Variants in CDH11 observed in about 807,000 individuals in gnomAD.
The protein encoded by CDH11 is cadherin-11.
Under a neutral mutation model 67.8 loss-of-function variants are expected in CDH11, and 11 were observed. The ratio of observed to expected loss-of-function variants is 0.16; its 90% CI spans 0.10 to 0.27. The LOEUF (loss-of-function observed/expected upper bound fraction) is 0.27, where lower values mean the gene tolerates loss of function less well. Among genes scored for constraint, CDH11 ranks in the 10% least tolerant of loss-of-function variants. CDH11 has a pLI of 1.00. For missense variants in CDH11, 847 were observed against 1,031.2 expected, an observed-to-expected ratio of 0.82 and a Z score of 2.45; for synonymous variants, 419 against 400.0, an observed-to-expected ratio of 1.05 and a Z score of -0.57.
chr16:65,100,056 A>G lies in CDH11; in HGVS notation c.-298+21824T>C, dbSNP rs114296267. On this transcript the variant is annotated intron_variant, in intron 1 of 12. Transcript: ENST00000268603. ...GAAAAATAGACATTATGAAAGAAAT[A>G]TCAGAAATGAAATCAGTAGTAACTG... Among the ~76,000 whole-genome samples, 693 of 152,296 alleles carry G rather than the reference A, an allele frequency of 4.6e-3. 3 individuals are homozygous for G. Among genetic ancestry groups the G allele is most frequent in the African/African-American group, 0.016 (653 of 41,558 alleles).
At chr16:65,113,324 A>G (rs905962649) in intron 1 of CDH11, among the ~76,000 whole-genome samples, 21 of 152,004 alleles carry the variant, frequency 1.4e-4, no homozygotes, top group African/African-American at 5.1e-4. Flanking sequence ...ATAGATAGTG[A>G]AAAGAGATTG....
intron 1 of CDH11, among the ~76,000 whole-genome samples, chr16:65,116,871 T>C (rs993675594): frequency 6.6e-5 from 10 of 152,286 alleles, no homozygotes; most frequent in Admixed American, 5.9e-4. Context: ...CTCTCTCACA[T>C]TCCTCTCACT....
At chr16:64,970,452 C>T (rs1021093867) in intron 11 of CDH11, among the ~76,000 whole-genome samples, 5 of 151,980 alleles carry the variant, frequency 3.3e-5, no homozygotes, top group Non-Finnish European at 5.9e-5. Flanking sequence ...TGATTTGAGA[C>T]GAGTTATTTA....
chr16:65,039,029 G>A (rs1053533550), intron 2 of CDH11, among the ~76,000 whole-genome samples: 2 of 152,140 alleles, frequency 1.3e-5, no homozygotes, highest in Non-Finnish European at 2.9e-5. Flanking sequence ...AGAATGGGGT[G>A]GGAAGCATCT....
In CDH11 at chr16:64,972,032, C is replaced by A. The variant is rs1214821279; in HGVS notation, c.1423G>T (p.Ala475Ser). Residue 475 changes from alanine (A) to serine (S), a missense_variant, in exon 10 of 13, where the codon GCC becomes TCC. Physicochemically the swap from Ala to Ser is moderately conservative, Grantham distance 99. Coordinates refer to ENST00000268603, the MANE Select transcript of CDH11 (RefSeq NM_001797.4). ...NRHQEAKVPVAIRVLDVNDNA... is the reference protein window; with the variant it reads ...NRHQEAKVPVSIRVLDVNDNA... Reference sequence around the variant, plus strand: ...TCGTTGACATCAAGGACCCTAATGGCCACTGGGACTTTGGCTTCCTGATGC... The same window carrying A: ...TCGTTGACATCAAGGACCCTAATGGACACTGGGACTTTGGCTTCCTGATGC... 1 of 1,613,472 alleles carries A rather than the reference C, an allele frequency of 6.2e-7. No individual in the cohort carries two copies. The highest frequency in any genetic ancestry group is 8.5e-7 in the Non-Finnish European group (1 of 1,179,454).
Position 65,030,797 on chromosome 16 carries a change from A to G in CDH11, c.-173+23007T>C, listed in dbSNP as rs76023887. The stretch of plus-strand genomic sequence containing the variant: ...AGGCTTGTCTCAAACTCCTGAGCTC[A>G]GATGATCTGCCTGCTTCAGCCTCCC... On this transcript the variant is annotated intron_variant, in intron 2 of 12. Coordinates refer to ENST00000268603, the MANE Select transcript of CDH11 (RefSeq NM_001797.4). Among the ~76,000 whole-genome samples, 1,431 of 152,294 alleles carry G rather than the reference A, an allele frequency of 9.4e-3. 9 individuals are homozygous for G. The highest frequency in any genetic ancestry group is 0.016 in the Non-Finnish European group (1,093 of 68,010).
intron 6 of CDH11, among the ~76,000 whole-genome samples, chr16:64,989,604 T>C (rs2072579892): frequency 6.6e-6 from 1 of 152,094 alleles, no homozygotes; most frequent in African/African-American, 2.4e-5. Flanking sequence ...ACTACAGCCT[T>C]CTGGTGAGAG....
intron 1 of CDH11, among the ~76,000 whole-genome samples, chr16:65,108,621 C>T (rs750899199): frequency 6.6e-6 from 1 of 152,050 alleles, no homozygotes; most frequent in Non-Finnish European, 1.5e-5. Context: ...AAGCACTTCA[C>T]CCTGATTTTC....
Position 65,021,890 on chromosome 16 carries a change from A to G in CDH11, c.-172-16849T>C, listed in dbSNP as rs531626146. Among the ~76,000 whole-genome samples the G allele has an allele frequency of 5.3e-4, 80 of 150,810 alleles. 2 individuals are homozygous for G. Among genetic ancestry groups the G allele is most frequent in the South Asian group, 1.7e-3 (8 of 4,784 alleles). On this transcript the variant is annotated intron_variant, in intron 2 of 12. Transcript: ENST00000268603. Reference sequence around the variant, plus strand: ...AAAGTAACTCAGAAAAAAAAAAAAAAAAAGAAAGAAAATTCAAGGCAGGAA... The same window carrying G: ...AAAGTAACTCAGAAAAAAAAAAAAAGAAAGAAAGAAAATTCAAGGCAGGAA...
chr16:65,066,209 C>A (rs1007176246), intron 1 of CDH11, among the ~76,000 whole-genome samples: 7 of 152,198 alleles, frequency 4.6e-5, no homozygotes, highest in African/African-American at 1.7e-4. Context: ...ATATCTCTTC[C>A]TCTTCCTTTT....
At chr16:64,997,227 G>A (rs1004316014) in intron 4 of CDH11, among the ~76,000 whole-genome samples, 48 of 151,858 alleles carry the variant, frequency 3.2e-4, no homozygotes, top group African/African-American at 1.1e-3. Context: ...TTGAAGCCGG[G>A]AGACAGAGGT....
intron 2 of CDH11, among the ~76,000 whole-genome samples, chr16:65,036,446 G>C (rs1056902464): frequency 6.6e-6 from 1 of 152,122 alleles, no homozygotes; most frequent in Non-Finnish European, 1.5e-5. Context: ...CACAGAGACT[G>C]TAGTTTGCAA....
chr16:65,009,069 G>A (rs7198314), intron 2 of CDH11, among the ~76,000 whole-genome samples: 16,853 of 152,076 alleles, frequency 0.11, 1,149 homozygotes, highest in African/African-American at 0.19. Context: ...AAGGACCTGG[G>A]ATTGAACTCT....
chr16:64,959,837 T>C (rs1159396947), intron 11 of CDH11, among the ~76,000 whole-genome samples: 1 of 152,182 alleles, frequency 6.6e-6, no homozygotes. Flanking sequence ...TCATAAAAAA[T>C]GTCCTTAGTT....
intron 2 of CDH11, among the ~76,000 whole-genome samples, chr16:65,024,817 C>T (rs2073499153): frequency 6.6e-6 from 1 of 152,180 alleles, no homozygotes; most frequent in Non-Finnish European, 1.5e-5. Flanking sequence ...GCTCTCCAGA[C>T]AAGATCTTTG....
chr16:65,065,620 G>T (rs8056507), intron 1 of CDH11, among the ~76,000 whole-genome samples: 9,548 of 152,142 alleles, frequency 0.063, 547 homozygotes, highest in African/African-American at 0.15. Flanking sequence ...AAGACACAAA[G>T]CAACAATCTT....
Position 64,946,265 on chromosome 16 carries a change from C to T in CDH11, c.*1338G>A. 9.5e-7 allele frequency: 1 copy of T among 1,047,584 alleles called. No homozygotes were observed. Among genetic ancestry groups the T allele is most frequent in the East Asian group, 5.6e-5 (1 of 17,916 alleles). 64.9% of individuals were successfully genotyped at this position (1,047,584 alleles called of 1,614,324 possible). A position where few individuals can be genotyped will look rare whatever the true frequency, so the allele number is the denominator to read the frequency against. On this transcript the variant is annotated 3_prime_UTR_variant, in exon 13 of 13. Transcript: ENST00000268603. ...TCAACTATCAAGAGTCTTACAATAG[C>T]CTGGTAAGTTCAACAGAAGAAAAAA...
chr16:65,079,016 C>A (rs2074563468), intron 1 of CDH11, among the ~76,000 whole-genome samples: 1 of 152,176 alleles, frequency 6.6e-6, no homozygotes, highest in African/African-American at 2.4e-5. Context: ...CTAAAAGTGG[C>A]CTGAGTCATT....
At chr16:65,025,842 G>A (rs919633037) in intron 2 of CDH11, among the ~76,000 whole-genome samples, 3 of 152,204 alleles carry the variant, frequency 2.0e-5, no homozygotes, top group South Asian at 2.1e-4. Context: ...GGATTCTGTA[G>A]TGTTGACCTG....
Sources: allele counts gnomAD v4.1 joint callset (sites outside exome capture counted in the v4.1 genomes callset), GRCh38; gene constraint gnomAD v4.1.1; transcripts MANE v1.5; gene names NCBI Gene and HGNC (gene_info 2026-07-23, HGNC 2026-07-21).